ATRNL1: variants seen among roughly 807,000 people sequenced by gnomAD.
ATRNL1 encodes attractin like 1.
A neutral mutation model predicts 182.7 loss-of-function variants in ATRNL1; 95 were observed. The observed-to-expected ratio is 0.52, with a 90% CI of 0.44 to 0.62. The LOEUF is 0.62. Among genes scored for constraint, ATRNL1 ranks in the 20% least tolerant of loss-of-function variants. The pLI is 0.00. For synonymous variants in ATRNL1, 576 were observed against 568.3 expected, an observed-to-expected ratio of 1.01 and a Z score of -0.19; for missense variants, 1,471 against 1,679.5, an observed-to-expected ratio of 0.88 and a Z score of 2.17.
chr10:115,246,055 A>C (rs550258532), intron 10 of ATRNL1, among the ~76,000 whole-genome samples: 50 of 152,190 alleles, frequency 3.3e-4, no homozygotes, highest in Non-Finnish European at 5.9e-4. Context: ...TAAATAAAAG[A>C]AAAAATAACC....
rs369836845 is a variant in ATRNL1, at chr10:115,565,508, G to T, written c.3795+15972G>T. On this transcript the variant is annotated intron_variant, in intron 26 of 28. Coordinates refer to ENST00000355044, the MANE Select transcript of ATRNL1 (RefSeq NM_207303.4). Reference sequence around the variant, plus strand: ...TACATTTGTACCATGTTATTGTGTTGAGTAATGGTACAGACTTACGGCATT... The same window carrying T: ...TACATTTGTACCATGTTATTGTGTTTAGTAATGGTACAGACTTACGGCATT... 3.3e-5 allele frequency among the ~76,000 whole-genome samples: 5 copies of T among 152,052 alleles called. 1 individual carries two copies. Among genetic ancestry groups the T allele is most frequent in the African/African-American group, 1.2e-4 (5 of 41,526 alleles).
At chr10:115,139,018 A>T (rs1223554496) in intron 5 of ATRNL1, among the ~76,000 whole-genome samples, 1 of 152,148 alleles carries the variant, frequency 6.6e-6, no homozygotes, top group Admixed American at 6.5e-5. Flanking sequence ...AAGCTCCACA[A>T]ATCTCTAGGG....
At chr10:115,728,003 C>T (rs368855840) in intron 27 of ATRNL1, among the ~76,000 whole-genome samples, 52 of 149,384 alleles carry the variant, frequency 3.5e-4, no homozygotes, top group Non-Finnish European at 5.0e-4. Context: ...CGGCCGGGCG[C>T]GGTGGCTCAC....
chr10:115,094,548 G>A (rs2143338813), intron 1 of ATRNL1, among the ~76,000 whole-genome samples: 1 of 152,308 alleles, frequency 6.6e-6, no homozygotes, highest in Non-Finnish European at 1.5e-5. Flanking sequence ...AGTCATCATA[G>A]TGATGTTAAT....
chr10:115,912,468 A>C (rs1182004594), intron 28 of ATRNL1, among the ~76,000 whole-genome samples: 3 of 151,888 alleles, frequency 2.0e-5, no homozygotes, highest in Non-Finnish European at 2.9e-5. Flanking sequence ...ACATTTTAAA[A>C]ATACTGCTGG....
intron 24 of ATRNL1, among the ~76,000 whole-genome samples, chr10:115,514,690 A>G (rs1356932692): frequency 6.6e-6 from 1 of 151,952 alleles, no homozygotes; most frequent in African/African-American, 2.4e-5. Flanking sequence ...CACCATTTAA[A>G]TTAAAGAAAT....
intron 11 of ATRNL1, among the ~76,000 whole-genome samples, chr10:115,266,119 A>C (rs766221054): frequency 3.3e-5 from 5 of 151,782 alleles, no homozygotes; most frequent in Non-Finnish European, 7.4e-5. Context: ...ATTCTTGAAG[A>C]CTTTTTTGAC....
chr10:115,685,223 A>G (rs1396629683), intron 26 of ATRNL1, among the ~76,000 whole-genome samples: 3 of 151,748 alleles, frequency 2.0e-5, no homozygotes, highest in African/African-American at 4.8e-5. Flanking sequence ...TTTTAAAAAT[A>G]CCCTTTTGTA....
intron 26 of ATRNL1, among the ~76,000 whole-genome samples, chr10:115,663,946 CT>C (rs1860853678): frequency 6.6e-6 from 1 of 152,142 alleles, no homozygotes; most frequent in African/African-American, 2.4e-5. Flanking sequence ...TAGCACCTGC[CT>C]TTGCTCATTG....
At chr10:115,463,037 T>C (rs573632671) in intron 22 of ATRNL1, among the ~76,000 whole-genome samples, 2 of 151,684 alleles carry the variant, frequency 1.3e-5, no homozygotes, top group Non-Finnish European at 2.9e-5. Context: ...ATATATATTA[T>C]TATTATGAAT....
rs1423159429 is a variant in ATRNL1, at chr10:115,371,281, AGCT to A, written c.3176-23376_3176-23374del. Among the ~76,000 whole-genome samples the A allele has an allele frequency of 3.3e-5, 5 of 152,182 alleles. No individual in the cohort carries two copies. The East Asian group carries it at 9.7e-4, about 30-fold the overall frequency. On this transcript the variant is annotated intron_variant, in intron 19 of 28. Coordinates refer to ENST00000355044, the MANE Select transcript of ATRNL1 (RefSeq NM_207303.4). ...CCCCACTAGGTGTGATGCCTAGTGGAGCTGTGAGAAGAGCCACCATCCTCCAGA... is the reference window on the plus strand; with the variant it reads ...CCCCACTAGGTGTGATGCCTAGTGGAGTGAGAAGAGCCACCATCCTCCAGA...
At chr10:115,238,867 G>A (rs1850292784) in intron 9 of ATRNL1, among the ~76,000 whole-genome samples, 2 of 152,114 alleles carry the variant, frequency 1.3e-5, no homozygotes, top group Admixed American at 6.5e-5. Context: ...TAAATATGAT[G>A]TTTTTATAGA....
chr10:115,920,597 A>AG (rs1428905028), intron 28 of ATRNL1, among the ~76,000 whole-genome samples: 1 of 152,202 alleles, frequency 6.6e-6, no homozygotes, highest in Non-Finnish European at 1.5e-5. Flanking sequence ...AAAGGTCCCC[A>AG]GGGGGAATTT....
chr10:115,453,270 C>T lies in ATRNL1; in HGVS notation c.3323-8671C>T, dbSNP rs374927580. On this transcript the variant is annotated intron_variant, in intron 21 of 28. Transcript: ENST00000355044. ...TATTTTTAATTTTTTGAGAAGACAC[C>T]GTACTGTTTTTCATAATGGCAGCAC... 5.9e-4 allele frequency among the ~76,000 whole-genome samples: 90 copies of T among 152,028 alleles called. 2 individuals are homozygous for T. In the South Asian group the frequency reaches 0.017, roughly 30 times the overall value.
chr10:115,823,710 C>A (rs2134289725), intron 27 of ATRNL1, among the ~76,000 whole-genome samples: 1 of 152,264 alleles, frequency 6.6e-6, no homozygotes, highest in South Asian at 2.1e-4. Context: ...CCTAGGCATA[C>A]AACTTACAAA....
chr10:115,418,405 G>A (rs1554961278), intron 20 of ATRNL1, among the ~76,000 whole-genome samples: 1 of 152,020 alleles, frequency 6.6e-6, no homozygotes, highest in Non-Finnish European at 1.5e-5. Context: ...CATAGTCAGA[G>A]GTGAAAGAAC....
rs574245305 is a variant in ATRNL1, at chr10:115,695,443, C to T, written c.3796-31805C>T. Among the ~76,000 whole-genome samples, 24 of 151,998 alleles carry T rather than the reference C, an allele frequency of 1.6e-4. No individual in the cohort carries two copies. The South Asian group carries it at 2.1e-3, about 13-fold the overall frequency. ...GAAAGATGGAAGGTGAAGTTAGTAA[C>T]GGGTAAGTTATTATTTGAATCTCCT... is the stretch of plus-strand genomic sequence containing the variant. On this transcript the variant is annotated intron_variant, in intron 26 of 28. Coordinates refer to ENST00000355044, the MANE Select transcript of ATRNL1 (RefSeq NM_207303.4).
Position 115,847,879 on chromosome 10 carries a change from G to T in ATRNL1, c.3906G>T (p.Gly1302=), listed in dbSNP as rs374293001. 3.8e-6 allele frequency: 6 copies of T among 1,595,084 alleles called. No individual in the cohort carries two copies. The highest frequency in any genetic ancestry group is 5.2e-6 in the Non-Finnish European group (6 of 1,163,470). Residue 1302 remains glycine, a splice_region_variant and synonymous_variant, in exon 28 of 29, where the codon GGG becomes GGT. Transcript: ENST00000355044. The part of the protein sequence containing the change: ...QTEFLRGPLE[G]APKPIAIEPC... ...TTAAAGTGGGTTTTCTTTTTCAGGG[G>T]GCACCCAAGCCAATTGCCATTGAAC...
At chr10:115,252,707 T>C (rs782385004) in intron 10 of ATRNL1, among the ~76,000 whole-genome samples, 1 of 152,222 alleles carries the variant, frequency 6.6e-6, no homozygotes, top group Non-Finnish European at 1.5e-5. Context: ...TCTTCTATAA[T>C]TGGCAGTCTC....
Sources: allele counts gnomAD v4.1 joint callset (sites outside exome capture counted in the v4.1 genomes callset), GRCh38; gene constraint gnomAD v4.1.1; transcripts MANE v1.5; gene names NCBI Gene and HGNC (gene_info 2026-07-23, HGNC 2026-07-21).